KLF8: variants seen among roughly 807,000 people sequenced by gnomAD.
KLF8 encodes the protein Krueppel-like factor 8.
A neutral mutation model predicts 18.2 loss-of-function variants in KLF8; 10 were observed. The observed-to-expected ratio is 0.55, with a 90% CI of 0.34 to 0.93. The LOEUF is 0.93. Ranked by LOEUF, KLF8 falls within the 40% of genes least tolerant of loss-of-function variation. KLF8 has a pLI of 0.02. For synonymous variants in KLF8, 109 were observed against 97.3 expected, an observed-to-expected ratio of 1.12 and a Z score of -0.71; for missense variants, 264 against 277.9, an observed-to-expected ratio of 0.95 and a Z score of 0.36.
At chrX:55,943,401 A>G in the KLF8 span, among the ~76,000 whole-genome samples, 1 of 110,652 alleles carries the variant, frequency 9.0e-6, no homozygotes, top group South Asian at 3.9e-4. Context: ...TGAGTCTAGG[A>G]CATCCCAACA....
the KLF8 span, among the ~76,000 whole-genome samples, chrX:56,210,487 G>C: frequency 7.0e-4 from 78 of 110,978 alleles, no homozygotes; most frequent in Non-Finnish European, 1.2e-3. Context: ...TTAACTTTTG[G>C]GAGTTTGATT....
At chrX:56,022,551 CAAA>C in the KLF8 span, among the ~76,000 whole-genome samples, 9 of 27,298 alleles carry the variant, frequency 3.3e-4, no homozygotes, top group East Asian at 3.0e-3. Context: ...TCTGTCTGAC[CAAA>C]AAAAAAAAAA....
the KLF8 span, among the ~76,000 whole-genome samples, chrX:56,170,323 C>A: frequency 1.1e-4 from 12 of 110,515 alleles, no homozygotes; most frequent in Admixed American, 3.9e-4. Flanking sequence ...GAAAACATGA[C>A]CTCACCAAAT....
At position 56,266,412 on chromosome X, in the gene KLF8, T is replaced by C. The variant is rs2066972852; in HGVS notation, c.646+668T>C. Reference sequence around the variant, plus strand: ...CATTATTCACAACTGAATTGTAAATTCCTGAAAAATAATACTCTATCTTAA... The same window carrying C: ...CATTATTCACAACTGAATTGTAAATCCCTGAAAAATAATACTCTATCTTAA... On this transcript the variant is annotated intron_variant, in intron 3 of 5. Transcript: ENST00000468660. 4.2e-6 allele frequency: 3 copies of C among 713,124 alleles called. No individual in the cohort carries two copies. The South Asian group carries it at 2.2e-4, about 51-fold the overall frequency. The allele number at this position is 713,124 out of a possible 1,213,427, so 58.8% of individuals were successfully genotyped here.
chrX:56,043,179 A>G, the KLF8 span, among the ~76,000 whole-genome samples: 9 of 110,485 alleles, frequency 8.1e-5, no homozygotes, highest in Middle Eastern at 9.3e-3. Flanking sequence ...TTCCACTGTG[A>G]GGTTCGCTGT....
the KLF8 span, among the ~76,000 whole-genome samples, chrX:56,185,363 A>G: frequency 8.9e-6 from 1 of 112,202 alleles, no homozygotes; most frequent in African/African-American, 3.2e-5. Flanking sequence ...TCCAAGAAAT[A>G]TGGGACAATG....
chrX:56,181,713 C>T, the KLF8 span, among the ~76,000 whole-genome samples: 2 of 110,690 alleles, frequency 1.8e-5, no homozygotes, highest in African/African-American at 3.3e-5. Flanking sequence ...ATTTCCCCTT[C>T]ATTTATGAAG....
the KLF8 span, among the ~76,000 whole-genome samples, chrX:56,007,680 A>G: frequency 9.0e-6 from 1 of 111,329 alleles, no homozygotes; most frequent in East Asian, 2.8e-4. Flanking sequence ...TTCTCCGTGG[A>G]TGAGTTGGGT....
At chrX:56,280,315 C>A (rs1174490785) in intron 5 of KLF8, among the ~76,000 whole-genome samples, 2 of 111,654 alleles carry the variant, frequency 1.8e-5, no homozygotes, top group Non-Finnish European at 3.8e-5. Flanking sequence ...CTCACTGCAG[C>A]CTTGCTCTCC....
the KLF8 span, among the ~76,000 whole-genome samples, chrX:56,174,078 A>G: frequency 9.0e-6 from 1 of 111,668 alleles, no homozygotes; most frequent in Non-Finnish European, 1.9e-5. Flanking sequence ...CTGATTGAAT[A>G]ACCTTTATTT....
intron 1 of KLF8, among the ~76,000 whole-genome samples, chrX:56,249,599 A>G (rs2066675291): frequency 8.9e-6 from 1 of 111,859 alleles, no homozygotes; most frequent in African/African-American, 3.2e-5. Flanking sequence ...TTAGGAAAAA[A>G]AAGGCCTTGC....
Position 56,282,629 on chromosome X carries a change from C to G in KLF8, c.899-1684C>G, listed in dbSNP as rs73490557. Reference sequence around the variant, plus strand: ...GCCAGATTGCCACCAGAATTTAGAACAGCATAAAATTAAATGCCCTAGGTA... The same window carrying G: ...GCCAGATTGCCACCAGAATTTAGAAGAGCATAAAATTAAATGCCCTAGGTA... On this transcript the variant is annotated intron_variant, in intron 5 of 5. Transcript: ENST00000468660. Among the ~76,000 whole-genome samples the G allele has an allele frequency of 4.0e-3, 447 of 111,595 alleles. 1 individual carries two copies. Among genetic ancestry groups the G allele is most frequent in the African/African-American group, 0.014 (437 of 30,707 alleles).
chrX:56,036,394 T>C, the KLF8 span, among the ~76,000 whole-genome samples: 4 of 112,064 alleles, frequency 3.6e-5, no homozygotes, highest in Admixed American at 9.5e-5. Flanking sequence ...TTCTTCCATA[T>C]AGGAATATCC....
At chrX:55,986,124 T>A in the KLF8 span, among the ~76,000 whole-genome samples, 2 of 111,481 alleles carry the variant, frequency 1.8e-5, no homozygotes, top group Non-Finnish European at 3.8e-5. Context: ...TTCGAATACC[T>A]TTATTTCTTT....
At chrX:56,113,263 A>G in the KLF8 span, among the ~76,000 whole-genome samples, 1 of 107,851 alleles carries the variant, frequency 9.3e-6, no homozygotes, top group South Asian at 3.9e-4. Flanking sequence ...TTTGTGGATA[A>G]TTTTTGTTTA....
intron 1 of KLF8, among the ~76,000 whole-genome samples, chrX:56,235,652 G>A (rs2066465469): frequency 9.0e-6 from 1 of 110,571 alleles, no homozygotes; most frequent in South Asian, 3.9e-4. Context: ...CCAACCTCAG[G>A]TGATCCATCC....
At chrX:56,067,635 G>T in the KLF8 span, among the ~76,000 whole-genome samples, 1 of 111,997 alleles carries the variant, frequency 8.9e-6, no homozygotes, top group African/African-American at 3.2e-5. Context: ...AGAGCCAGGA[G>T]AACCTCTCTA....
the KLF8 span, among the ~76,000 whole-genome samples, chrX:56,068,045 T>G: frequency 1.4e-3 from 152 of 112,283 alleles, no homozygotes; most frequent in Middle Eastern, 4.6e-3. Context: ...GCCTTCAGCC[T>G]CATGGTCTCC....
the KLF8 span, among the ~76,000 whole-genome samples, chrX:56,032,724 T>C: frequency 0.092 from 10,277 of 112,217 alleles, 1,153 homozygotes; most frequent in African/African-American, 0.32. Context: ...TTTATCCATT[T>C]ATCTATAGAT....
Sources: allele counts gnomAD v4.1 joint callset (sites outside exome capture counted in the v4.1 genomes callset), GRCh38; gene constraint gnomAD v4.1.1; transcripts MANE v1.5; gene names NCBI Gene and HGNC (gene_info 2026-07-23, HGNC 2026-07-21).